The following NBEA variants were observed in gnomAD, a reference collection of about 807,000 sequenced individuals.
NBEA encodes lysosomal-trafficking regulator 2.
A neutral mutation model predicts 343.4 loss-of-function variants in NBEA; 44 were observed. That is an observed-to-expected ratio of 0.13 (90% confidence interval 0.10 to 0.16). The LOEUF (loss-of-function observed/expected upper bound fraction) is 0.16. NBEA is among the 10% of genes least tolerant of loss of function. NBEA has a pLI of 1.00. For missense variants in NBEA, 2,555 were observed against 3,631.3 expected (o/e 0.70, Z 7.62); for synonymous variants, 1,175 against 1,238.7 (o/e 0.95, Z 1.08).
intron 35 of NBEA, among the ~76,000 whole-genome samples, chr13:35,296,023 T>C (rs2036105509): frequency 6.6e-6 from 1 of 152,122 alleles, no homozygotes; most frequent in Admixed American, 6.6e-5. Flanking sequence ...TATAACAACT[T>C]AGCACATATC....
intron 34 of NBEA, among the ~76,000 whole-genome samples, chr13:35,268,213 C>G (rs2033847340): frequency 6.6e-6 from 1 of 151,918 alleles, no homozygotes; most frequent in South Asian, 2.1e-4. Flanking sequence ...CATGAATGAC[C>G]CTTGAGGACA....
chr13:35,077,122 A>G (rs925123388), intron 10 of NBEA, among the ~76,000 whole-genome samples: 5 of 152,050 alleles, frequency 3.3e-5, no homozygotes, highest in Admixed American at 1.3e-4. Flanking sequence ...TCAAGAAAAG[A>G]TTTAGTAAAG....
chr13:35,309,726 T>G, intron 36 of NBEA, 134 bp downstream of exon 36: 1 of 564,460 alleles, frequency 1.8e-6, no homozygotes, highest in Non-Finnish European at 3.1e-6. Flanking sequence ...ACACAGGTAC[T>G]TAATTAATCT....
chr13:35,590,088 G>T (rs2081465980), intron 46 of NBEA, among the ~76,000 whole-genome samples: 1 of 152,052 alleles, frequency 6.6e-6, no homozygotes, highest in Admixed American at 6.6e-5. Flanking sequence ...CCAATTGACA[G>T]GTAGTAGGCA....
At chr13:35,172,219 C>A (rs1250933197) in intron 26 of NBEA, among the ~76,000 whole-genome samples, 1 of 151,886 alleles carries the variant, frequency 6.6e-6, no homozygotes, top group Admixed American at 6.6e-5. Flanking sequence ...AAGAAAGGAA[C>A]AAAGACTTGG....
At chr13:35,533,500 G>A (rs936537393) in intron 41 of NBEA, among the ~76,000 whole-genome samples, 4 of 151,938 alleles carry the variant, frequency 2.6e-5, no homozygotes, top group African/African-American at 4.8e-5. Context: ...ATTCCTCAAT[G>A]GAATTTCCTC....
At chr13:35,248,666 G>A (rs1236534830) in intron 34 of NBEA, among the ~76,000 whole-genome samples, 2 of 152,030 alleles carry the variant, frequency 1.3e-5, no homozygotes, top group African/African-American at 2.4e-5. Context: ...TTTCAACATG[G>A]GTGCCAAGAC....
chr13:35,406,635 AGGATCACACCTGGT>A (rs1232472086), intron 38 of NBEA, among the ~76,000 whole-genome samples: 1 of 152,158 alleles, frequency 6.6e-6, no homozygotes, highest in African/African-American at 2.4e-5. Context: ...TCTTTTATGT[AGGATCACACCTGGT>A]GACCTTTAAG....
At chr13:35,387,784 C>G (rs2042313724) in intron 38 of NBEA, among the ~76,000 whole-genome samples, 2 of 152,038 alleles carry the variant, frequency 1.3e-5, no homozygotes, top group South Asian at 2.1e-4. Context: ...ATTTGAGTAG[C>G]AGTTTCCCTT....
At chr13:35,519,004 T>A (rs1027096237) in intron 41 of NBEA, among the ~76,000 whole-genome samples, 1 of 152,210 alleles carries the variant, frequency 6.6e-6, no homozygotes, top group Non-Finnish European at 1.5e-5. Context: ...AATTTGATGC[T>A]TCGTTGTGAA....
chr13:35,346,832 T>G lies in NBEA; in HGVS notation c.5904-2276T>G, dbSNP rs181753343. Among the ~76,000 whole-genome samples the G allele has an allele frequency of 9.9e-5, 15 of 152,228 alleles. No homozygotes were observed. In the East Asian group the frequency reaches 2.7e-3, roughly 28 times the overall value. On this transcript the variant is annotated intron_variant, in intron 36 of 58. Coordinates refer to ENST00000379939, the MANE Select transcript of NBEA (RefSeq NM_001385012.1). The stretch of plus-strand genomic sequence containing the variant: ...TTATCAAGGAGTGATTAAATCTATA[T>G]CTGAGCAGACATGGATTTTAGACGG...
chr13:35,642,184 G>A (rs1190862135), intron 49 of NBEA, among the ~76,000 whole-genome samples: 6 of 152,134 alleles, frequency 3.9e-5, no homozygotes, highest in African/African-American at 1.4e-4. Flanking sequence ...TATGAAATAT[G>A]TAAGACTCAT....
chr13:35,480,773 G>T (rs565783689), intron 41 of NBEA, among the ~76,000 whole-genome samples: 26 of 151,826 alleles, frequency 1.7e-4, no homozygotes, highest in African/African-American at 5.6e-4. Flanking sequence ...ACAGATATTT[G>T]TGCAGGGTTT....
At chr13:35,486,256 A>G (rs2076298490) in intron 41 of NBEA, among the ~76,000 whole-genome samples, 1 of 152,086 alleles carries the variant, frequency 6.6e-6, no homozygotes, top group African/African-American at 2.4e-5. Flanking sequence ...AATTTGTTCT[A>G]TAGAAATTTA....
chr13:35,645,486 GT>G (rs1209970672), intron 49 of NBEA, among the ~76,000 whole-genome samples: 4 of 152,114 alleles, frequency 2.6e-5, no homozygotes, highest in Non-Finnish European at 4.4e-5. Context: ...AGTCCAGACA[GT>G]TTGAGGGCTA....
chr13:35,339,620 T>A (rs1327067140), intron 36 of NBEA, among the ~76,000 whole-genome samples: 3 of 151,990 alleles, frequency 2.0e-5, no homozygotes, highest in African/African-American at 7.2e-5. Flanking sequence ...CTGCAGGCTG[T>A]AAAGGAAGCA....
intron 21 of NBEA, among the ~76,000 whole-genome samples, chr13:35,157,678 A>G (rs1477575786): frequency 6.6e-6 from 1 of 151,994 alleles, no homozygotes; most frequent in Non-Finnish European, 1.5e-5. Context: ...GTTTAAGTTT[A>G]GTGGTATTTT....
intron 16 of NBEA, among the ~76,000 whole-genome samples, chr13:35,122,314 C>T (rs2066847118): frequency 2.0e-5 from 3 of 152,174 alleles, no homozygotes; most frequent in Non-Finnish European, 4.4e-5. Context: ...AGACTTGGAA[C>T]CAAACCAAAT....
chr13:35,160,173 G>A, intron 22 of NBEA, 141 bp downstream of exon 22: 6 of 792,230 alleles, frequency 7.6e-6, no homozygotes, highest in Non-Finnish European at 1.1e-5. Flanking sequence ...ACTAAATAGT[G>A]CGGTATAATT....
Sources: allele counts gnomAD v4.1 joint callset (sites outside exome capture counted in the v4.1 genomes callset), GRCh38; gene constraint gnomAD v4.1.1; transcripts MANE v1.5; gene names NCBI Gene and HGNC (gene_info 2026-07-23, HGNC 2026-07-21).